NAV2: variants seen among roughly 807,000 people sequenced by gnomAD.
NAV2 encodes the protein neuron navigator 2, also known as helicase, APC down-regulated 1.
A neutral mutation model predicts 223.2 loss-of-function variants in NAV2; 54 were observed. The ratio of observed to expected loss-of-function variants is 0.24; its 90% CI spans 0.19 to 0.30. The LOEUF (loss-of-function observed/expected upper bound fraction) is 0.30, where lower values mean the gene tolerates loss of function less well. NAV2 is among the 10% of genes least tolerant of loss of function. The pLI is 1.00. For synonymous variants in NAV2, 1,279 were observed against 1,239.3 expected (o/e 1.03, Z -0.67); for missense variants, 2,806 against 3,147.5 (o/e 0.89, Z 2.60).
chr11:19,520,472 C>G (rs1238130409), intron 1 of NAV2, among the ~76,000 whole-genome samples: 2 of 152,234 alleles, frequency 1.3e-5, no homozygotes, highest in Non-Finnish European at 2.9e-5. Flanking sequence ...CCTCAGTGTA[C>G]CTGACTGTCT....
In NAV2 at chr11:19,560,504, C is replaced by A. The variant is rs146491952; in HGVS notation, c.75+209477C>A. On this transcript the variant is annotated intron_variant, in intron 1 of 37. Coordinates refer to the NAV2 transcript ENST00000360655. ...TGTGCCTCAGATGTCTGCTGTGAAG[C>A]GCCACTGAGGTCATACCTGTAAAAG... Among the ~76,000 whole-genome samples the A allele has an allele frequency of 3.3e-5, 5 of 152,270 alleles. No individual in the cohort carries two copies. The East Asian group carries it at 7.7e-4, about 23-fold the overall frequency.
intron 1 of NAV2, among the ~76,000 whole-genome samples, chr11:19,396,230 A>G (rs184288777): frequency 1.3e-5 from 2 of 152,330 alleles, no homozygotes; most frequent in Non-Finnish European, 2.9e-5. Flanking sequence ...CACACCTAGT[A>G]CTACCACTGG....
intron 1 of NAV2, among the ~76,000 whole-genome samples, chr11:19,825,692 C>A (rs982646782): frequency 2.0e-5 from 3 of 152,174 alleles, no homozygotes; most frequent in African/African-American, 7.2e-5. Flanking sequence ...ATAAACTTAG[C>A]AGTGTTATTA....
intron 1 of NAV2, among the ~76,000 whole-genome samples, chr11:19,744,501 C>G (rs1030533114): frequency 6.6e-6 from 1 of 152,038 alleles, no homozygotes; most frequent in Non-Finnish European, 1.5e-5. Flanking sequence ...TTGTGGTAAA[C>G]CCATAATTAG....
intron 4 of NAV2, among the ~76,000 whole-genome samples, chr11:19,878,728 C>T (rs993831825): frequency 9.9e-5 from 15 of 152,252 alleles, no homozygotes; most frequent in South Asian, 4.1e-4. Context: ...ACTGGCAGGG[C>T]GCACTTCCTC....
intron 1 of NAV2, among the ~76,000 whole-genome samples, chr11:19,577,831 G>T (rs1343337426): frequency 1.3e-5 from 2 of 152,196 alleles, no homozygotes; most frequent in African/African-American, 2.4e-5. Context: ...GCAGGAGCAA[G>T]ATGCTCATTC....
At chr11:19,536,048 G>C (rs914789495) in intron 1 of NAV2, among the ~76,000 whole-genome samples, 1 of 152,178 alleles carries the variant, frequency 6.6e-6, no homozygotes, top group Non-Finnish European at 1.5e-5. Context: ...CTTGATTAGA[G>C]TCACAAAGCC....
intron 10 of NAV2, among the ~76,000 whole-genome samples, chr11:19,963,372 C>G (rs117113237): frequency 6.6e-6 from 1 of 152,152 alleles, no homozygotes; most frequent in Non-Finnish European, 1.5e-5. Flanking sequence ...ATTCAAAGCC[C>G]GGGATCCCAA....
At chr11:19,678,487 C>T (rs1365708638) in intron 1 of NAV2, among the ~76,000 whole-genome samples, 2 of 152,178 alleles carry the variant, frequency 1.3e-5, no homozygotes, top group Non-Finnish European at 2.9e-5. Flanking sequence ...TAACTTTCCT[C>T]CTTTCTCTTT....
intron 1 of NAV2, among the ~76,000 whole-genome samples, chr11:19,700,520 A>T (rs1055487234): frequency 7.9e-5 from 12 of 152,130 alleles, no homozygotes; most frequent in African/African-American, 2.9e-4. Context: ...CATCTGTGAG[A>T]CTCTACTTCA....
At chr11:19,437,645 T>G (rs2133661173) in intron 1 of NAV2, among the ~76,000 whole-genome samples, 1 of 152,316 alleles carries the variant, frequency 6.6e-6, no homozygotes, top group Non-Finnish European at 1.5e-5. Flanking sequence ...AAAAGGTTGT[T>G]GCATTTCATC....
intron 19 of NAV2, among the ~76,000 whole-genome samples, chr11:20,056,782 A>G (rs1448395394): frequency 6.6e-6 from 1 of 152,216 alleles, no homozygotes; most frequent in East Asian, 1.9e-4. Context: ...TTTTAGGTAT[A>G]TGATTTTGAT....
chr11:19,510,347 T>G (rs1027294349), intron 1 of NAV2, among the ~76,000 whole-genome samples: 2 of 152,222 alleles, frequency 1.3e-5, no homozygotes, highest in South Asian at 2.1e-4. Context: ...TTGTGGATGC[T>G]GTCCTGAAAC....
At chr11:19,869,595 T>G (rs78039375) in intron 4 of NAV2, among the ~76,000 whole-genome samples, 131 of 152,292 alleles carry the variant, frequency 8.6e-4, no homozygotes, top group African/African-American at 3.0e-3. Context: ...CTCAGCCACC[T>G]CAGACAACAA....
intron 1 of NAV2, among the ~76,000 whole-genome samples, chr11:19,533,350 C>T (rs1240690207): frequency 4.6e-5 from 7 of 151,922 alleles, no homozygotes; most frequent in Admixed American, 4.6e-4. Context: ...GCTGAGATGA[C>T]CAAAAATATC....
At chr11:19,821,240 C>G (rs981638573) in intron 1 of NAV2, among the ~76,000 whole-genome samples, 177 of 124,914 alleles carry the variant, frequency 1.4e-3, no homozygotes, top group African/African-American at 5.5e-3. Flanking sequence ...CCAGCCTGGG[C>G]GACAGAGCGA....
chr11:19,578,928 T>C (rs2045639439), intron 1 of NAV2, among the ~76,000 whole-genome samples: 2 of 152,150 alleles, frequency 1.3e-5, no homozygotes, highest in Non-Finnish European at 2.9e-5. Flanking sequence ...AGGGACATGT[T>C]CACACACCCA....
Position 20,049,373 on chromosome 11 carries a change from CT to C in NAV2, c.4370+179del, listed in dbSNP as rs1353138951. On this transcript the variant is annotated intron_variant, in intron 15 of 37. Coordinates refer to ENST00000349880, the MANE Select transcript of NAV2 (RefSeq NM_145117.5). ...ATGGAATCAAGCTTGGCTCTGCTCC[CT>C]GTTATCTTTTCCTCTGTGGTTATTT... 4.5e-5 allele frequency: 27 copies of C among 595,350 alleles called. No homozygotes were observed. In the East Asian group the frequency reaches 7.6e-4, roughly 17 times the overall value. 36.9% of individuals were successfully genotyped at this position (595,350 alleles called of 1,614,324 possible).
intron 1 of NAV2, among the ~76,000 whole-genome samples, chr11:19,446,032 C>A (rs994047995): frequency 6.6e-6 from 1 of 152,136 alleles, no homozygotes; most frequent in African/African-American, 2.4e-5. Context: ...GTGCAAAGCC[C>A]AAGTCATTTT....
Sources: gnomAD v4.1 joint callset for allele counts (sites outside exome capture counted in the v4.1 genomes callset) on GRCh38, gnomAD v4.1.1 for gene constraint, MANE v1.5 for transcripts, NCBI Gene and HGNC (gene_info 2026-07-23, HGNC 2026-07-21) for gene names.